The following SMURF2 variants were observed in gnomAD, a reference collection of about 807,000 sequenced individuals.
SMURF2 encodes E3 ubiquitin-protein ligase SMURF2.
A neutral mutation model predicts 109.6 loss-of-function variants in SMURF2; 48 were observed. The observed-to-expected ratio is 0.44, with a 90% CI of 0.35 to 0.56. SMURF2 has a LOEUF of 0.56. Ranked by LOEUF, SMURF2 falls within the 20% of genes least tolerant of loss-of-function variation. The pLI, the probability that SMURF2 is intolerant of heterozygous loss-of-function variation, is 0.01. For synonymous variants in SMURF2, 288 were observed against 317.1 expected (o/e 0.91, Z 0.97); for missense variants, 575 against 909.0 (o/e 0.63, Z 4.72).
chr17:64,629,049 A>G (rs1245367427), intron 1 of SMURF2, among the ~76,000 whole-genome samples: 1 of 152,098 alleles, frequency 6.6e-6, no homozygotes, highest in Non-Finnish European at 1.5e-5. Flanking sequence ...AACCCACTAA[A>G]AAGACCAAAA....
At chr17:64,609,995 CAT>C (rs1327488858) in intron 1 of SMURF2, among the ~76,000 whole-genome samples, 9 of 151,006 alleles carry the variant, frequency 6.0e-5, no homozygotes, top group Admixed American at 3.3e-4. Flanking sequence ...AGCCAACAAA[CAT>C]ATGAAAAAAA....
intron 1 of SMURF2, among the ~76,000 whole-genome samples, chr17:64,623,332 T>C (rs1555690827): frequency 6.6e-6 from 1 of 152,092 alleles, no homozygotes; most frequent in African/African-American, 2.4e-5. Context: ...ACCCAGAGTC[T>C]AGAAAAAAGT....
chr17:64,633,609 A>G (rs1289433032), intron 1 of SMURF2, among the ~76,000 whole-genome samples: 2 of 152,218 alleles, frequency 1.3e-5, no homozygotes, highest in Non-Finnish European at 2.9e-5. Flanking sequence ...AACTAGCATC[A>G]TTGGTTTGTT....
intron 9 of SMURF2, among the ~76,000 whole-genome samples, chr17:64,576,114 A>T (rs1352331099): frequency 6.6e-6 from 1 of 151,868 alleles, no homozygotes; most frequent in East Asian, 1.9e-4. Flanking sequence ...CTGAGGTGGG[A>T]GGATGACTTG....
chr17:64,627,903 C>T lies in SMURF2; in HGVS notation c.53-21263G>A, dbSNP rs150818240. Among the ~76,000 whole-genome samples, 8 of 152,290 alleles carry T rather than the reference C, an allele frequency of 5.3e-5. No individual in the cohort carries two copies. In the East Asian group the frequency reaches 5.8e-4, roughly 11 times the overall value. On this transcript the variant is annotated intron_variant, in intron 1 of 18. Coordinates refer to ENST00000262435, the MANE Select transcript of SMURF2 (RefSeq NM_022739.4). ...TTTAAAGGATCTCCATCCCTGACAG[C>T]GCGCTTAGACTTTGTGCTGGATTAG... is the stretch of plus-strand genomic sequence containing the variant.
chr17:64,635,566 G>A (rs2144714776), intron 1 of SMURF2, among the ~76,000 whole-genome samples: 1 of 152,022 alleles, frequency 6.6e-6, no homozygotes, highest in East Asian at 1.9e-4. Flanking sequence ...TTTGCCAAGT[G>A]GAATTAAACA....
chr17:64,579,214 T>C (rs1555686313), intron 8 of SMURF2, among the ~76,000 whole-genome samples: 1 of 151,694 alleles, frequency 6.6e-6, no homozygotes, highest in Non-Finnish European at 1.5e-5. Flanking sequence ...TCAAAATCCT[T>C]GGGAAGACAG....
intron 1 of SMURF2, among the ~76,000 whole-genome samples, chr17:64,637,945 C>CAAAAAAAAAAAAAAAAAAAAAAAAA: frequency 7.7e-6 from 1 of 130,498 alleles, no homozygotes; most frequent in Middle Eastern, 3.7e-3. Flanking sequence ...AAAAAAAAAT[C>CAAAAAAAAAAAAAAAAAAAAAAAAA]AACTGACCAC....
chr17:64,566,561 GTTT>G (rs1164717270), intron 10 of SMURF2, among the ~76,000 whole-genome samples: 2,194 of 43,582 alleles, frequency 0.05, 96 homozygotes, highest in African/African-American at 0.1. Flanking sequence ...AAGCTTTCTG[GTTT>G]TTTTTTTTTT....
intron 15 of SMURF2, among the ~76,000 whole-genome samples, chr17:64,554,112 T>C (rs1969083833): frequency 6.6e-6 from 1 of 152,212 alleles, no homozygotes; most frequent in East Asian, 1.9e-4. Flanking sequence ...AATGTGCTCA[T>C]TTATAAACAG....
intron 9 of SMURF2, among the ~76,000 whole-genome samples, chr17:64,577,580 A>AAT (rs1568181108): frequency 1.4e-5 from 2 of 147,284 alleles, no homozygotes; most frequent in African/African-American, 5.2e-5. Flanking sequence ...TAAATAAATA[A>AAT]AACACTAAAA....
intron 11 of SMURF2, among the ~76,000 whole-genome samples, chr17:64,562,288 A>G (rs1182500839): frequency 3.8e-5 from 5 of 131,766 alleles, no homozygotes; most frequent in Non-Finnish European, 8.0e-5. Context: ...TCCGTCTCAA[A>G]AAAAAAAAAA....
chr17:64,571,662 T>G (rs1471907788), intron 10 of SMURF2, 136 bp downstream of exon 10: 5 of 873,568 alleles, frequency 5.7e-6, no homozygotes, highest in Non-Finnish European at 8.5e-6. Flanking sequence ...CAAGTGATCC[T>G]GCTGCCACGG....
At chr17:64,573,125 AGAGGAGGAGGAGGAGGAGGAG>A (rs372553868) in intron 9 of SMURF2, 1 of 42,270 alleles carries the variant, frequency 2.4e-5, no homozygotes, top group African/African-American at 1.7e-4. Context: ...ATTAAAAAAA[AGAGGAGGAGGAGGAGGAGGAG>A]GAGGAGGAGG....
chr17:64,570,708 C>T (rs1190562070), intron 10 of SMURF2, among the ~76,000 whole-genome samples: 1 of 152,204 alleles, frequency 6.6e-6, no homozygotes, highest in African/African-American at 2.4e-5. Flanking sequence ...ACCTCAGTTT[C>T]CTCATCTGTA....
intron 1 of SMURF2, among the ~76,000 whole-genome samples, chr17:64,620,325 G>A (rs1970184886): frequency 1.3e-5 from 2 of 152,174 alleles, no homozygotes; most frequent in South Asian, 4.1e-4. Flanking sequence ...CAGAAAAACT[G>A]TAAGTGAATG....
intron 1 of SMURF2, among the ~76,000 whole-genome samples, chr17:64,622,664 TC>T (rs1418572550): frequency 1.3e-5 from 2 of 152,198 alleles, no homozygotes; most frequent in African/African-American, 2.4e-5. Flanking sequence ...TAACATCATA[TC>T]AAGGGTACAT....
intron 1 of SMURF2, among the ~76,000 whole-genome samples, chr17:64,621,486 A>T (rs1178853444): frequency 2.0e-5 from 3 of 152,054 alleles, no homozygotes; most frequent in African/African-American, 7.2e-5. Flanking sequence ...AGGCTGAGGC[A>T]GGAGAATCGC....
chr17:64,587,022 G>T (rs1969672231), intron 5 of SMURF2, among the ~76,000 whole-genome samples: 1 of 151,690 alleles, frequency 6.6e-6, no homozygotes, highest in African/African-American at 2.4e-5. Flanking sequence ...AATTAGCCGG[G>T]TGAGGAACTA....
Sources: allele counts gnomAD v4.1 joint callset (sites outside exome capture counted in the v4.1 genomes callset), GRCh38; gene constraint gnomAD v4.1.1; transcripts MANE v1.5; gene names NCBI Gene and HGNC (gene_info 2026-07-23, HGNC 2026-07-21).